The following MDN1 variants were observed in gnomAD, a reference collection of about 807,000 sequenced individuals.
MDN1 encodes the protein midasin AAA ATPase 1.
A neutral mutation model predicts 669.2 loss-of-function variants in MDN1; 266 were observed. That is an observed-to-expected ratio of 0.40 (90% confidence interval 0.36 to 0.44). The LOEUF is 0.44. Among genes scored for constraint, MDN1 ranks in the 20% least tolerant of loss-of-function variants. MDN1 has a pLI of 1.00. For missense variants in MDN1, 5,940 were observed against 6,754.0 expected, an observed-to-expected ratio of 0.88 and a Z score of 4.22; for synonymous variants, 2,385 against 2,457.1, an observed-to-expected ratio of 0.97 and a Z score of 0.87.
intron 1 of MDN1, among the ~76,000 whole-genome samples, chr6:89,814,531 T>C (rs181249555): frequency 5.3e-5 from 8 of 151,990 alleles, no homozygotes; most frequent in Admixed American, 3.9e-4. Context: ...GCCCAAAATA[T>C]ATAGCTTTGA....
At chr6:89,698,771 C>A (rs1812947403) in intron 59 of MDN1, 94 bp downstream of exon 59, 4 of 1,283,824 alleles carry the variant, frequency 3.1e-6, no homozygotes, top group Non-Finnish European at 4.4e-6. Context: ...TGTTTAGTCA[C>A]CACTCTATGC....
At chr6:89,690,879 G>A in intron 63 of MDN1, 45 bp from the exon 64 acceptor site, 1 of 1,590,868 alleles carries the variant, frequency 6.3e-7, no homozygotes, top group Non-Finnish European at 8.6e-7. Context: ...TCTTTGCTGA[G>A]GCATTCACAA....
In MDN1 at chr6:89,650,033, A is replaced by G. The variant is rs779634363; in HGVS notation, c.16197T>C (p.His5399=). The change falls in exon 97 of 102, where the codon CAT becomes CAC. Residue 5399 remains histidine (H), a synonymous_variant. Transcript: ENST00000369393. The part of the protein sequence containing the change: ...IDDSSSMVDN[H]TKQLAFESLA... ...CATTTCTCTTCCTTACCTGCTTGGT[A>G]TGATTGTCTACCATACTAGAAGAGT... is the stretch of plus-strand genomic sequence containing the variant. 1 of 1,614,074 alleles carries G rather than the reference A, an allele frequency of 6.2e-7. No individual in the cohort carries two copies. The highest frequency in any genetic ancestry group is 8.5e-7 in the Non-Finnish European group (1 of 1,179,988).
Position 89,668,109 on chromosome 6 carries a change from C to G in MDN1, c.13999G>C (p.Glu4667Gln). ...PKEFMEDSAG[E>Q]GATEFHDYEG... ...TAGTCATGGAACTCAGTTGCTCCCT[C>G]TCCAGCTGAATCTTCCATAAATTCT... Residue 4667 changes from glutamate to glutamine, a missense_variant, in exon 84 of 102, where the codon GAG (glutamate) becomes CAG (glutamine). Coordinates refer to ENST00000369393, the MANE Select transcript of MDN1 (RefSeq NM_014611.3). The G allele has an allele frequency of 6.2e-7, 1 of 1,614,158 alleles. No individual in the cohort carries two copies. The highest frequency in any genetic ancestry group is 8.5e-7 in the Non-Finnish European group (1 of 1,180,014).
At chr6:89,744,416 T>G (rs1816477827) in intron 29 of MDN1, among the ~76,000 whole-genome samples, 1 of 150,186 alleles carries the variant, frequency 6.7e-6, no homozygotes, top group Middle Eastern at 3.4e-3. Context: ...CTCCATCTTT[T>G]TTTTAGTCAG....
chr6:89,753,971 C>A, intron 21 of MDN1, 112 bp downstream of exon 21: 7 of 1,103,266 alleles, frequency 6.3e-6, no homozygotes, highest in Non-Finnish European at 8.8e-6. Context: ...GTATTATGGG[C>A]TGATCTGACT....
At chr6:89,804,784 C>A in intron 1 of MDN1, among the ~76,000 whole-genome samples, 1 of 152,128 alleles carries the variant, frequency 6.6e-6, no homozygotes, top group Non-Finnish European at 1.5e-5. Context: ...GTAATCCCAG[C>A]ACTTTGGGAG....
intron 37 of MDN1, among the ~76,000 whole-genome samples, chr6:89,726,619 T>C (rs976635177): frequency 3.3e-5 from 5 of 152,066 alleles, no homozygotes; most frequent in African/African-American, 1.2e-4. Context: ...AAAGTCAGGA[T>C]ATAAAGTGAG....
Position 89,646,587 on chromosome 6 carries a change from G to C in MDN1, c.16412C>G (p.Ala5471Gly). 1.9e-6 allele frequency: 3 copies of C among 1,614,054 alleles called. No individual in the cohort carries two copies. Among genetic ancestry groups the C allele is most frequent in the Non-Finnish European group, 2.5e-6 (3 of 1,179,936 alleles). Residue 5471 changes from alanine (A) to glycine (G), a missense_variant, in exon 100 of 102, where the codon GCC becomes GGC. By Grantham distance (60) the Ala-to-Gly change is moderately conservative. Coordinates refer to ENST00000369393, the MANE Select transcript of MDN1 (RefSeq NM_014611.3). Reference protein sequence around the residue: ...TKIAQFLESVANMFAAAQQLS... With the variant: ...TKIAQFLESVGNMFAAAQQLS... ...CTGCTGAGCAGCTGCAAACATGTTGGCAACAGACTCTAGAAACTAAACCGG... is the reference window on the plus strand; with the variant it reads ...CTGCTGAGCAGCTGCAAACATGTTGCCAACAGACTCTAGAAACTAAACCGG...
chr6:89,711,952 C>T lies in MDN1; in HGVS notation c.7651+84G>A, dbSNP rs915108158. 8 of 1,229,416 alleles carry T rather than the reference C, an allele frequency of 6.5e-6. No homozygotes were observed. The African/African-American group carries it at 1.2e-4, about 19-fold the overall frequency. 76.2% of individuals were successfully genotyped at this position (1,229,416 alleles called of 1,614,324 possible). On this transcript the variant is annotated intron_variant, in intron 49 of 101. Coordinates refer to ENST00000369393, the MANE Select transcript of MDN1 (RefSeq NM_014611.3). The stretch of plus-strand genomic sequence containing the variant: ...AACTGTAATTTTAACAGTGTAGTCA[C>T]AGATTAACACAGCTGCTGAGGCACT...
At position 89,661,987 on chromosome 6, in the gene MDN1, C is replaced by T. The variant is rs1049793058; in HGVS notation, c.14565+100G>A. 13 of 1,402,734 alleles carry T rather than the reference C, an allele frequency of 9.3e-6. No individual in the cohort carries two copies. In the African/African-American group the frequency reaches 1.0e-4, roughly 11 times the overall value. 86.9% of individuals were successfully genotyped at this position (1,402,734 alleles called of 1,614,324 possible). A position where few individuals can be genotyped will look rare whatever the true frequency, so the allele number is the denominator to read the frequency against. ...TATGAGGTAATGGGAGAGCAGTCGA[C>T]GAACAGGGGAAAAAATATCTTGAGA... is the stretch of plus-strand genomic sequence containing the variant. On this transcript the variant is annotated intron_variant, in intron 87 of 101. Coordinates refer to ENST00000369393, the MANE Select transcript of MDN1 (RefSeq NM_014611.3).
rs750980829 is a variant in MDN1 at position 89,675,550 on chromosome 6, G to A, written c.12675C>T (p.Cys4225=). The stretch of plus-strand genomic sequence containing the variant: ...TCATCAAATGTGCTGAGAACCCTCT[G>A]CACCTCTCCACGTTGCCCATGCCCA... ...KEMGMGNVER[C]RGFSAHLMKM... The change falls in exon 78 of 102, where the codon TGC becomes TGT. Residue 4225 remains cysteine, a synonymous_variant. Coordinates refer to ENST00000369393, the MANE Select transcript of MDN1 (RefSeq NM_014611.3). 6.2e-7 allele frequency: 1 copy of A among 1,613,846 alleles called. No individual in the cohort carries two copies. The highest frequency in any genetic ancestry group is 8.5e-7 in the Non-Finnish European group (1 of 1,180,028).
chr6:89,654,917 A>T (rs952980402), intron 92 of MDN1, among the ~76,000 whole-genome samples: 1 of 152,242 alleles, frequency 6.6e-6, no homozygotes, highest in African/African-American at 2.4e-5. Context: ...AGAAAGACGA[A>T]TAGGAATCCC....
At chr6:89,759,799 C>A (rs1817442077) in intron 17 of MDN1, among the ~76,000 whole-genome samples, 1 of 149,902 alleles carries the variant, frequency 6.7e-6, no homozygotes, top group Admixed American at 6.7e-5. Flanking sequence ...GGGCCCGGGG[C>A]AATGGCTCAT....
At position 89,690,074 on chromosome 6, in the gene MDN1, C is replaced by T; in HGVS notation, c.10819G>A (p.Glu3607Lys). 2 of 1,614,182 alleles carry T rather than the reference C, an allele frequency of 1.2e-6. No individual in the cohort carries two copies. Among genetic ancestry groups the T allele is most frequent in the Non-Finnish European group, 1.7e-6 (2 of 1,180,022 alleles). The part of the protein sequence containing the change: ...NKGTSDGQEE[E>K]AGTNPALLSQ... ...AGGAGAGCTGGGTTTGTGCCTGCTT[C>T]CTCTTCTTGCCCATCTGAAGTTCCT... is the stretch of plus-strand genomic sequence containing the variant. The change falls in exon 65 of 102, where the codon GAA becomes AAA. Residue 3607 changes from glutamate to lysine, a missense_variant. Transcript: ENST00000369393.
intron 37 of MDN1, 74 bp from the exon 38 acceptor site, chr6:89,725,470 T>C: frequency 8.1e-7 from 1 of 1,231,748 alleles, no homozygotes; most frequent in Non-Finnish European, 1.2e-6. Context: ...GGGAATAATA[T>C]GCAGCAAATA....
rs1352112631 is a variant in MDN1, at chr6:89,700,860, AAAC to A, written c.8428-7_8428-5del. The A allele has an allele frequency of 6.2e-7, 1 of 1,613,626 alleles. No individual in the cohort carries two copies. Among genetic ancestry groups the A allele is most frequent in the South Asian group, 1.1e-5 (1 of 91,010 alleles). On this transcript the variant is annotated splice_polypyrimidine_tract_variant and splice_region_variant and intron_variant, in intron 55 of 101. Transcript: ENST00000369393. Reference sequence around the variant, plus strand: ...AACACTCCACCACCAGCTTGTCCTGAAACAACAACACCCACAAGAGCATACTAT... The same window carrying A: ...AACACTCCACCACCAGCTTGTCCTGAAACAACACCCACAAGAGCATACTAT...
chr6:89,696,353 G>A lies in MDN1; in HGVS notation c.9383+7C>T, dbSNP rs778204783. On this transcript the variant is annotated splice_region_variant and intron_variant, in intron 60 of 101. Transcript: ENST00000369393. ...CTTTACAGTCTGCTTCCAGGGCGAGGGAATACCTGAATTCTGCTACTGAAG... is the reference window on the plus strand; with the variant it reads ...CTTTACAGTCTGCTTCCAGGGCGAGAGAATACCTGAATTCTGCTACTGAAG... 2.5e-6 allele frequency: 4 copies of A among 1,613,390 alleles called. No individual in the cohort carries two copies. The highest frequency in any genetic ancestry group is 1.1e-5 in the South Asian group (1 of 90,954).
chr6:89,658,201 C>T lies in MDN1; in HGVS notation c.15183+8G>A, dbSNP rs1286710735. ...GCAGCTGGCGGCTGCAGTGAAACCA[C>T]TGATCACCTCTTTCCCCTGCTCCTT... On this transcript the variant is annotated splice_region_variant and intron_variant, in intron 90 of 101. Transcript: ENST00000369393. The T allele has an allele frequency of 2.5e-6, 4 of 1,613,984 alleles. No individual in the cohort carries two copies. The Admixed American group carries it at 5.0e-5, about 20-fold the overall frequency.
Sources: allele counts gnomAD v4.1 joint callset (sites outside exome capture counted in the v4.1 genomes callset), GRCh38; gene constraint gnomAD v4.1.1; transcripts MANE v1.5; gene names NCBI Gene and HGNC (gene_info 2026-07-23, HGNC 2026-07-21).